The following ETV6 variants were observed in gnomAD, a reference collection of about 807,000 sequenced individuals.
ETV6 encodes the protein ETS variant transcription factor 6.
Under a neutral mutation model 51.1 loss-of-function variants are expected in ETV6, and 16 were observed. The ratio of observed to expected loss-of-function variants is 0.31; its 90% CI spans 0.21 to 0.48. The LOEUF (loss-of-function observed/expected upper bound fraction) is 0.48. Among genes scored for constraint, ETV6 ranks in the 20% least tolerant of loss-of-function variants. ETV6 has a pLI of 0.99. For missense variants in ETV6, 458 were observed against 594.8 expected, an observed-to-expected ratio of 0.77 and a Z score of 2.39; for synonymous variants, 240 against 224.1, an observed-to-expected ratio of 1.07 and a Z score of -0.64.
chr12:11,688,437 T>C (rs1191209564), intron 1 of ETV6, among the ~76,000 whole-genome samples: 1 of 152,192 alleles, frequency 6.6e-6, no homozygotes, highest in African/African-American at 2.4e-5. Context: ...CGTGGCTGTC[T>C]AGTGGTTTGA....
chr12:11,673,969 C>T (rs1468554321), intron 1 of ETV6, among the ~76,000 whole-genome samples: 1 of 152,156 alleles, frequency 6.6e-6, no homozygotes, highest in Non-Finnish European at 1.5e-5. Flanking sequence ...TTTTATTCTT[C>T]TACCAATGCA....
intron 4 of ETV6, among the ~76,000 whole-genome samples, chr12:11,865,936 A>ATT (rs768463542): frequency 3.3e-5 from 5 of 152,036 alleles, no homozygotes; most frequent in Non-Finnish European, 5.9e-5. Flanking sequence ...ATTTGAGGAC[A>ATT]ATCTAGCCAT....
intron 1 of ETV6, among the ~76,000 whole-genome samples, chr12:11,672,359 A>G (rs762972501): frequency 6.6e-5 from 10 of 152,162 alleles, no homozygotes; most frequent in Non-Finnish European, 8.8e-5. Flanking sequence ...ATCTGCTCAC[A>G]CTTAGATTGT....
At chr12:11,887,359 T>C (rs1947208755) in intron 7 of ETV6, among the ~76,000 whole-genome samples, 2 of 152,212 alleles carry the variant, frequency 1.3e-5, no homozygotes, top group Admixed American at 1.3e-4. Flanking sequence ...CAAATTTGAA[T>C]GTCCAAGAGT....
In ETV6 at chr12:11,792,426, C is replaced by T. The variant is rs138534105; in HGVS notation, c.163+39847C>T. Reference sequence around the variant, plus strand: ...ATCCTCGGCCAGGCGAGGTGGCTCACGCCTGTAATCTCAGCACTTTGGGAG... The same window carrying T: ...ATCCTCGGCCAGGCGAGGTGGCTCATGCCTGTAATCTCAGCACTTTGGGAG... On this transcript the variant is annotated intron_variant, in intron 2 of 7. Coordinates refer to ENST00000396373, the MANE Select transcript of ETV6 (RefSeq NM_001987.5). Among the ~76,000 whole-genome samples the T allele has an allele frequency of 7.1e-3, 1,078 of 152,286 alleles. 21 individuals carry two copies. Among genetic ancestry groups the T allele is most frequent in the African/African-American group, 0.025 (1,026 of 41,540 alleles).
intron 1 of ETV6, among the ~76,000 whole-genome samples, chr12:11,736,060 C>A (rs1359091413): frequency 5.3e-5 from 8 of 152,162 alleles, no homozygotes; most frequent in Admixed American, 3.3e-4. Flanking sequence ...ATGATAGTTT[C>A]TTTTCCTTTT....
rs1471928388 is a variant in ETV6 at position 11,827,239 on chromosome 12, T to C, written c.164-11901T>C. ...ATCCTGCCTGTGTGTCACAGCAGTC[T>C]GCCCCGCGAAATGCTGAATCAGCAG... On this transcript the variant is annotated intron_variant, in intron 2 of 7. Coordinates refer to ENST00000396373, the MANE Select transcript of ETV6 (RefSeq NM_001987.5). Among the ~76,000 whole-genome samples the C allele has an allele frequency of 3.3e-5, 5 of 152,156 alleles. No homozygotes were observed. The East Asian group carries it at 9.6e-4, about 29-fold the overall frequency.
At position 11,801,239 on chromosome 12, in the gene ETV6, G is replaced by A. The variant is rs563174299; in HGVS notation, c.164-37901G>A. Among the ~76,000 whole-genome samples, 8 of 152,250 alleles carry A rather than the reference G, an allele frequency of 5.3e-5. No homozygotes were observed. In the South Asian group the frequency reaches 1.5e-3, roughly 28 times the overall value. ...ACCAATTCTTTGTAGCTTTGACATT[G>A]GCCTTTAAAAGAACGAGGCAAACTT... On this transcript the variant is annotated intron_variant, in intron 2 of 7. Transcript: ENST00000396373.
Position 11,895,362 on chromosome 12 carries a change from AATTAC to A in ETV6, c.*4319_*4323del, listed in dbSNP as rs1947377609. 1 of 229,672 alleles carries A rather than the reference AATTAC, an allele frequency of 4.4e-6. No individual in the cohort carries two copies. The highest frequency in any genetic ancestry group is 8.6e-6 in the Non-Finnish European group (1 of 116,174). 14.2% of individuals were successfully genotyped at this position (229,672 alleles called of 1,614,324 possible). ...AAATAATTTTTAAAGAAAAGCCTAT[AATTAC>A]ATCATCTCAATAAATTTTTTATAAA... On this transcript the variant is annotated 3_prime_UTR_variant, in exon 8 of 8. Transcript: ENST00000396373.
intron 2 of ETV6, among the ~76,000 whole-genome samples, chr12:11,835,493 C>G (rs1236554284): frequency 6.6e-6 from 1 of 152,212 alleles, no homozygotes; most frequent in African/African-American, 2.4e-5. Flanking sequence ...AGCTTCTGTT[C>G]CATTTGCAGC....
At chr12:11,690,964 A>G (rs556341377) in intron 1 of ETV6, among the ~76,000 whole-genome samples, 2 of 152,226 alleles carry the variant, frequency 1.3e-5, no homozygotes, top group Non-Finnish European at 2.9e-5. Flanking sequence ...TCAGGCTGCT[A>G]TAACAAAACA....
At chr12:11,694,314 A>G (rs1422103991) in intron 1 of ETV6, among the ~76,000 whole-genome samples, 4 of 152,182 alleles carry the variant, frequency 2.6e-5, no homozygotes, top group Non-Finnish European at 1.5e-5. Context: ...AAAATGGGCC[A>G]CTAATTTAGT....
At chr12:11,730,455 A>G (rs955943059) in intron 1 of ETV6, among the ~76,000 whole-genome samples, 1 of 152,248 alleles carries the variant, frequency 6.6e-6, no homozygotes, top group Non-Finnish European at 1.5e-5. Flanking sequence ...ACAAAGGTGC[A>G]AGTCACCAAG....
At position 11,845,785 on chromosome 12, in the gene ETV6, G is replaced by T. The variant is rs7135444; in HGVS notation, c.328+6481G>T. ...AGGCGGGCAGATCACGGGGTCAGGA[G>T]ATCAAGACCATCCTGGCTAATATGG... On this transcript the variant is annotated intron_variant, in intron 3 of 7. Transcript: ENST00000396373. Among the ~76,000 whole-genome samples, 465 of 152,222 alleles carry T rather than the reference G, an allele frequency of 3.1e-3. 3 individuals are homozygous for T. The highest frequency in any genetic ancestry group is 0.011 in the African/African-American group (441 of 41,550).
intron 1 of ETV6, among the ~76,000 whole-genome samples, chr12:11,654,772 C>T (rs1297392262): frequency 6.6e-6 from 1 of 152,168 alleles, no homozygotes; most frequent in Non-Finnish European, 1.5e-5. Flanking sequence ...CTGTTTTGGG[C>T]TGAAGGCCCC....
intron 5 of ETV6, among the ~76,000 whole-genome samples, chr12:11,883,357 G>A (rs1053145550): frequency 3.0e-4 from 42 of 139,506 alleles, no homozygotes; most frequent in South Asian, 1.1e-3. Context: ...GCAGTGGTGC[G>A]ATCTCGACTT....
At chr12:11,745,157 T>C (rs1238434279) in intron 1 of ETV6, among the ~76,000 whole-genome samples, 1 of 152,194 alleles carries the variant, frequency 6.6e-6, no homozygotes, top group Admixed American at 6.5e-5. Flanking sequence ...CGTGTTTTAT[T>C]TGGAGCTGTT....
At chr12:11,784,862 A>ATTTTTTTTTTTTTTTTTTTTTTTT (rs34004409) in intron 2 of ETV6, among the ~76,000 whole-genome samples, 11 of 85,758 alleles carry the variant, frequency 1.3e-4, no homozygotes, top group African/African-American at 5.2e-4. Flanking sequence ...TGCCTTGCTA[A>ATTTTTTTTTTTTTTTTTTTTTTTT]TTTTTTTTTT....
chr12:11,694,724 A>G (rs1488989440), intron 1 of ETV6, among the ~76,000 whole-genome samples: 1 of 152,196 alleles, frequency 6.6e-6, no homozygotes, highest in Non-Finnish European at 1.5e-5. Context: ...AGTCGTAATC[A>G]TTTATCCACA....
Sources: gnomAD v4.1 joint callset for allele counts (sites outside exome capture counted in the v4.1 genomes callset) on GRCh38, gnomAD v4.1.1 for gene constraint, MANE v1.5 for transcripts, NCBI Gene and HGNC (gene_info 2026-07-23, HGNC 2026-07-21) for gene names.